ZNF385D: variants seen among roughly 807,000 people sequenced by gnomAD.
The protein encoded by ZNF385D is zinc finger protein 385D.
In ZNF385D, 15 loss-of-function variants were observed where a neutral mutation model predicts 35.8. The ratio of observed to expected loss-of-function variants is 0.42; its 90% CI spans 0.28 to 0.64. The LOEUF is 0.64. Among genes scored for constraint, ZNF385D ranks in the 30% least tolerant of loss-of-function variants. The pLI is 0.23. For synonymous variants in ZNF385D, 212 were observed against 186.8 expected, an observed-to-expected ratio of 1.13 and a Z score of -1.10; for missense variants, 474 against 494.6, an observed-to-expected ratio of 0.96 and a Z score of 0.39.
intron 3 of ZNF385D, among the ~76,000 whole-genome samples, chr3:21,954,625 C>A (rs900350534): frequency 4.6e-5 from 7 of 151,974 alleles, no homozygotes; most frequent in African/African-American, 1.7e-4. Flanking sequence ...ATAGTTATAT[C>A]CTAACAACTC....
At chr3:21,740,378 G>A (rs1431395851) in intron 1 of ZNF385D, among the ~76,000 whole-genome samples, 1 of 152,162 alleles carries the variant, frequency 6.6e-6, no homozygotes, top group Non-Finnish European at 1.5e-5. Flanking sequence ...GACCCACTGA[G>A]TCAGGATCTA....
At chr3:22,092,638 G>A (rs888364849) in intron 3 of ZNF385D, among the ~76,000 whole-genome samples, 2 of 152,032 alleles carry the variant, frequency 1.3e-5, no homozygotes, top group Admixed American at 1.3e-4. Flanking sequence ...TCAGCCTTAT[G>A]GGTAGTGGCC....
intron 2 of ZNF385D, among the ~76,000 whole-genome samples, chr3:22,264,546 ACT>A (rs1253104839): frequency 1.3e-5 from 2 of 151,740 alleles, no homozygotes; most frequent in Non-Finnish European, 2.9e-5. Flanking sequence ...CTTCTGTGAG[ACT>A]CTTCTTTCCA....
chr3:21,932,244 T>C (rs974666548), intron 3 of ZNF385D, among the ~76,000 whole-genome samples: 5 of 149,548 alleles, frequency 3.3e-5, no homozygotes, highest in Non-Finnish European at 3.0e-5. Context: ...CTTTGTGATA[T>C]AGGAAACAGT....
In ZNF385D at chr3:21,417,581, A is replaced by G. The variant is rs1465414212; in HGVS notation, c.*3633T>C. On this transcript the variant is annotated 3_prime_UTR_variant, in exon 8 of 8. Coordinates refer to ENST00000281523, the MANE Select transcript of ZNF385D (RefSeq NM_024697.3). ...TGAAACATTACACTGGTACAAAGAC[A>G]AAGATATTAATTTAAAATTTAATTG... 1 of 152,170 alleles carries G rather than the reference A, an allele frequency of 6.6e-6. No individual in the cohort carries two copies. Among genetic ancestry groups the G allele is most frequent in the Non-Finnish European group, 1.5e-5 (1 of 67,998 alleles). The allele number at this position is 152,170 out of a possible 1,614,324, so 9.4% of individuals were successfully genotyped here.
At chr3:22,134,126 A>C (rs113457180) in intron 3 of ZNF385D, 5 of 152,172 alleles carry the variant, frequency 3.3e-5, no homozygotes, top group African/African-American at 9.6e-5. Context: ...ATACACCAAC[A>C]AAAACAGATC....
intron 1 of ZNF385D, among the ~76,000 whole-genome samples, chr3:21,706,324 C>A (rs2067898050): frequency 1.3e-5 from 2 of 151,884 alleles, no homozygotes; most frequent in African/African-American, 4.8e-5. Context: ...ACAAATCATC[C>A]CTTTAAAGAC....
intron 3 of ZNF385D, among the ~76,000 whole-genome samples, chr3:21,868,431 C>CA (rs1228880696): frequency 6.6e-6 from 1 of 152,156 alleles, no homozygotes; most frequent in Non-Finnish European, 1.5e-5. Context: ...ACTGCTACTA[C>CA]AAGCACTTGC....
chr3:21,544,948 G>T (rs955712108), intron 3 of ZNF385D, among the ~76,000 whole-genome samples: 1 of 152,154 alleles, frequency 6.6e-6, no homozygotes, highest in South Asian at 2.1e-4. Context: ...ATTATTTGAC[G>T]TGTTCACGTA....
chr3:22,192,096 G>A (rs1559441881), intron 2 of ZNF385D, among the ~76,000 whole-genome samples: 1 of 151,972 alleles, frequency 6.6e-6, no homozygotes, highest in Admixed American at 6.6e-5. Flanking sequence ...CAACGATAGT[G>A]CCCTGTCCCT....
chr3:22,038,286 G>A (rs1325682162), intron 3 of ZNF385D, among the ~76,000 whole-genome samples: 1 of 152,148 alleles, frequency 6.6e-6, no homozygotes, highest in Non-Finnish European at 1.5e-5. Flanking sequence ...AATTAACTGA[G>A]GAAACTATAA....
intron 3 of ZNF385D, among the ~76,000 whole-genome samples, chr3:22,031,634 A>G (rs1191355683): frequency 6.6e-6 from 1 of 152,166 alleles, no homozygotes; most frequent in East Asian, 1.9e-4. Context: ...TGATGGGCCT[A>G]TGATTGGAGG....
intron 3 of ZNF385D, among the ~76,000 whole-genome samples, chr3:21,891,137 T>C (rs1698838881): frequency 6.6e-6 from 1 of 152,086 alleles, no homozygotes; most frequent in Admixed American, 6.6e-5. Context: ...TTTATGAAAA[T>C]AAAAGGATAG....
chr3:22,339,631 G>T (rs1045570124), intron 2 of ZNF385D, among the ~76,000 whole-genome samples: 1 of 152,146 alleles, frequency 6.6e-6, no homozygotes, highest in Non-Finnish European at 1.5e-5. Flanking sequence ...TCCTTGAAAA[G>T]AAAGGCGATT....
intron 3 of ZNF385D, among the ~76,000 whole-genome samples, chr3:21,526,789 T>A (rs957304804): frequency 2.6e-5 from 4 of 152,170 alleles, no homozygotes; most frequent in Non-Finnish European, 5.9e-5. Flanking sequence ...AAATAAAGGA[T>A]CTGAATGCTT....
intron 3 of ZNF385D, among the ~76,000 whole-genome samples, chr3:22,092,197 G>A (rs1701369561): frequency 6.6e-6 from 1 of 152,174 alleles, no homozygotes; most frequent in Non-Finnish European, 1.5e-5. Flanking sequence ...TGACAGTGGG[G>A]CTGGAACCTG....
chr3:22,171,144 T>A (rs1694391593), intron 2 of ZNF385D, among the ~76,000 whole-genome samples: 1 of 152,124 alleles, frequency 6.6e-6, no homozygotes, highest in Admixed American at 6.5e-5. Context: ...TTCAAAGAAA[T>A]AAGCCAAAGA....
intron 2 of ZNF385D, among the ~76,000 whole-genome samples, chr3:21,601,095 T>A (rs951296193): frequency 6.6e-6 from 1 of 152,176 alleles, no homozygotes; most frequent in Non-Finnish European, 1.5e-5. Flanking sequence ...AAGGAGGTTT[T>A]TATTTTTCAC....
Position 21,810,668 on chromosome 3 carries a change from T to C in ZNF385D, c.326-145640A>G, listed in dbSNP as rs182805589. ...AGTACTGAGATTAAAGCTGGATTGTTTGAAATGTACCTTGTTTTAAAGTTT... is the reference window on the plus strand; with the variant it reads ...AGTACTGAGATTAAAGCTGGATTGTCTGAAATGTACCTTGTTTTAAAGTTT... On this transcript the variant is annotated intron_variant, in intron 3 of 5. Transcript: ENST00000494108. Among the ~76,000 whole-genome samples the C allele has an allele frequency of 1.5e-3, 224 of 152,216 alleles. 1 individual carries two copies. Among genetic ancestry groups the C allele is most frequent in the African/African-American group, 5.1e-3 (211 of 41,566 alleles).
Sources: gnomAD v4.1 joint callset for allele counts (sites outside exome capture counted in the v4.1 genomes callset) on GRCh38, gnomAD v4.1.1 for gene constraint, MANE v1.5 for transcripts, NCBI Gene and HGNC (gene_info 2026-07-23, HGNC 2026-07-21) for gene names.